Variants in TENM3 observed in about 807,000 individuals in gnomAD.
TENM3 encodes the protein teneurin transmembrane protein 3, also known as teneurin-3.
TENM3 carries 63 observed loss-of-function variants against 255.1 expected under a neutral mutation model. The ratio of observed to expected loss-of-function variants is 0.25; its 90% CI spans 0.20 to 0.30. The LOEUF (loss-of-function observed/expected upper bound fraction) is 0.30. TENM3 is among the 10% of genes least tolerant of loss of function. The pLI is 1.00. For synonymous variants in TENM3, 1,306 were observed against 1,322.3 expected (o/e 0.99, Z 0.27); for missense variants, 2,929 against 3,461.1 (o/e 0.85, Z 3.86).
At chr4:181,594,735 T>C in the TENM3 span, among the ~76,000 whole-genome samples, 1 of 152,198 alleles carries the variant, frequency 6.6e-6, no homozygotes, top group Non-Finnish European at 1.5e-5. Flanking sequence ...ACTGTACAAC[T>C]GCCTTTTAGA....
chr4:181,677,065 C>T, the TENM3 span, among the ~76,000 whole-genome samples: 1 of 148,578 alleles, frequency 6.7e-6, no homozygotes, highest in Admixed American at 6.8e-5. Flanking sequence ...TTGACATCTA[C>T]TTGGCCCTTA....
At chr4:181,693,121 C>A in the TENM3 span, among the ~76,000 whole-genome samples, 14 of 152,132 alleles carry the variant, frequency 9.2e-5, no homozygotes, top group Non-Finnish European at 1.9e-4. Context: ...TGTACCAGAC[C>A]CTTCAGTCAT....
chr4:182,311,931 T>C (rs1762473921), intron 1 of TENM3, among the ~76,000 whole-genome samples: 1 of 152,180 alleles, frequency 6.6e-6, no homozygotes, highest in Non-Finnish European at 1.5e-5. Flanking sequence ...AACTTGCTTT[T>C]CTCTCATTAC....
chr4:182,674,327 G>A (rs1019096132), intron 7 of TENM3, among the ~76,000 whole-genome samples: 11 of 152,108 alleles, frequency 7.2e-5, no homozygotes, highest in Non-Finnish European at 1.2e-4. Flanking sequence ...AAAGGAAGAT[G>A]AGTAAGAAGA....
chr4:182,609,698 A>G (rs915498843), intron 4 of TENM3, among the ~76,000 whole-genome samples: 6 of 152,170 alleles, frequency 3.9e-5, no homozygotes, highest in African/African-American at 1.4e-4. Context: ...TGGTTTGGGG[A>G]TAGGAGGATC....
At chr4:182,427,263 T>C (rs535041430) in intron 3 of TENM3, among the ~76,000 whole-genome samples, 73 of 152,362 alleles carry the variant, frequency 4.8e-4, no homozygotes, top group African/African-American at 1.6e-3. Context: ...TGAGATCACA[T>C]TTGCAGTCTC....
chr4:181,560,412 C>G, the TENM3 span, among the ~76,000 whole-genome samples: 3 of 152,160 alleles, frequency 2.0e-5, no homozygotes, highest in Non-Finnish European at 2.9e-5. Context: ...ATTGGGCTAC[C>G]ATTCATTTGC....
chr4:181,517,685 GT>G, the TENM3 span, among the ~76,000 whole-genome samples: 1 of 152,102 alleles, frequency 6.6e-6, no homozygotes, highest in African/African-American at 2.4e-5. Flanking sequence ...TTTCATAATA[GT>G]GCTGATGTCT....
the TENM3 span, among the ~76,000 whole-genome samples, chr4:181,688,946 C>A: frequency 6.6e-6 from 1 of 152,174 alleles, no homozygotes; most frequent in African/African-American, 2.4e-5. Flanking sequence ...TCACATTTTC[C>A]CTCAGAGTGA....
At chr4:182,534,290 A>G (rs985996863) in intron 3 of TENM3, among the ~76,000 whole-genome samples, 5 of 152,216 alleles carry the variant, frequency 3.3e-5, no homozygotes, top group Non-Finnish European at 5.9e-5. Context: ...GCTGAGCTCA[A>G]TCTTACAGGA....
chr4:181,711,573 A>G, the TENM3 span, among the ~76,000 whole-genome samples: 1 of 152,246 alleles, frequency 6.6e-6, no homozygotes, highest in South Asian at 2.1e-4. Flanking sequence ...TAAAAATTCA[A>G]CAACATCAGC....
chr4:182,669,941 T>C (rs189614310), intron 6 of TENM3, among the ~76,000 whole-genome samples: 1 of 152,276 alleles, frequency 6.6e-6, no homozygotes, highest in African/African-American at 2.4e-5. Flanking sequence ...CAGTGAAGAT[T>C]AGTTCCATTT....
the TENM3 span, among the ~76,000 whole-genome samples, chr4:181,722,345 A>T: frequency 6.6e-6 from 1 of 152,246 alleles, no homozygotes; most frequent in Non-Finnish European, 1.5e-5. Context: ...ATGAAGACTT[A>T]AGAATATCCT....
intron 4 of TENM3, among the ~76,000 whole-genome samples, chr4:182,614,635 G>A (rs1749304075): frequency 6.6e-6 from 1 of 151,790 alleles, no homozygotes. Context: ...GCCAGTGGTC[G>A]CTGAAAAAGT....
At chr4:182,450,058 A>G (rs1773320443) in intron 3 of TENM3, among the ~76,000 whole-genome samples, 2 of 152,210 alleles carry the variant, frequency 1.3e-5, no homozygotes, top group African/African-American at 4.8e-5. Context: ...TGTCTTCTGA[A>G]AGCCTAATAT....
chr4:181,939,812 T>A, the TENM3 span, among the ~76,000 whole-genome samples: 1 of 152,226 alleles, frequency 6.6e-6, no homozygotes, highest in Non-Finnish European at 1.5e-5. Flanking sequence ...AGGGTGAATC[T>A]TTTAGGGCCT....
the TENM3 span, among the ~76,000 whole-genome samples, chr4:181,958,107 G>A: frequency 6.6e-6 from 1 of 152,106 alleles, no homozygotes; most frequent in Non-Finnish European, 1.5e-5. Context: ...TGTTCATACT[G>A]TTAAAGAAAG....
the TENM3 span, among the ~76,000 whole-genome samples, chr4:181,558,261 C>T: frequency 6.6e-6 from 1 of 152,170 alleles, no homozygotes; most frequent in Non-Finnish European, 1.5e-5. Flanking sequence ...TCAACACACT[C>T]ATCTTTTGGA....
the TENM3 span, among the ~76,000 whole-genome samples, chr4:181,579,884 C>T: frequency 6.6e-6 from 1 of 152,060 alleles, no homozygotes; most frequent in Non-Finnish European, 1.5e-5. Context: ...CCAGGACCAT[C>T]CCCATGTTTG....
Sources: allele counts gnomAD v4.1 joint callset (sites outside exome capture counted in the v4.1 genomes callset), GRCh38; gene constraint gnomAD v4.1.1; transcripts MANE v1.5; gene names NCBI Gene and HGNC (gene_info 2026-07-23, HGNC 2026-07-21).